The following CAPN7 variants were observed in gnomAD, a reference collection of about 807,000 sequenced individuals.
CAPN7 encodes calpain 7, also known as calpain-7.
A neutral mutation model predicts 115.2 loss-of-function variants in CAPN7; 72 were observed. That is an observed-to-expected ratio of 0.63 (90% CI 0.52 to 0.76). The LOEUF is 0.76. CAPN7 is among the 30% of genes least tolerant of loss of function. CAPN7 has a pLI of 0.00. For synonymous variants in CAPN7, 344 were observed against 322.3 expected (o/e 1.07, Z -0.72); for missense variants, 905 against 971.5 (o/e 0.93, Z 0.91).
chr3:15,250,812 T>G, intron 19 of CAPN7, 119 bp from the exon 20 acceptor site: 1 of 697,248 alleles, frequency 1.4e-6, no homozygotes, highest in Non-Finnish European at 2.5e-6. Context: ...GTGTGTATGT[T>G]TCTACTGAAA....
At position 15,240,530 on chromosome 3, in the gene CAPN7, T is replaced by G. The variant is rs751843899; in HGVS notation, c.1465T>G (p.Tyr489Asp). Residue 489 changes from tyrosine (Y) to aspartate (D), a missense_variant, in exon 13 of 21, where the codon TAC becomes GAC. Physicochemically the swap from Tyr to Asp is radical, Grantham distance 160. Coordinates refer to ENST00000253693, the MANE Select transcript of CAPN7 (RefSeq NM_014296.3). The part of the protein sequence containing the change: ...PWSHLRWKGR[Y>D]SENDVKNWTP... ...GAGTCATTTACGTTGGAAAGGAAGATACAGTGAAAATGATGTAAAAAACTG... is the reference window on the plus strand; with the variant it reads ...GAGTCATTTACGTTGGAAAGGAAGAGACAGTGAAAATGATGTAAAAAACTG... 1.2e-6 allele frequency: 2 copies of G among 1,613,366 alleles called. No individual in the cohort carries two copies. The highest frequency in any genetic ancestry group is 2.2e-5 in the South Asian group (2 of 90,940).
intron 6 of CAPN7, among the ~76,000 whole-genome samples, chr3:15,226,666 G>A (rs1694334314): frequency 1.3e-5 from 2 of 152,082 alleles, no homozygotes; most frequent in African/African-American, 2.4e-5. Context: ...GTGGTTCTGT[G>A]AGATGATAAT....
chr3:15,251,034 C>T lies in CAPN7; in HGVS notation c.2297+11C>T. 1.9e-6 allele frequency: 3 copies of T among 1,604,500 alleles called. No individual in the cohort carries two copies. The highest frequency in any genetic ancestry group is 2.7e-5 in the African/African-American group (2 of 74,616). On this transcript the variant is annotated intron_variant, in intron 20 of 20. Coordinates refer to ENST00000253693, the MANE Select transcript of CAPN7 (RefSeq NM_014296.3). The stretch of plus-strand genomic sequence containing the variant: ...TAGTGGTGACTATAGGTAATGTTGG[C>T]ATTTTTATTGTATCTATTTTATACT...
intron 2 of CAPN7, among the ~76,000 whole-genome samples, chr3:15,214,913 G>A (rs138140892): frequency 2.4e-4 from 36 of 152,310 alleles, no homozygotes; most frequent in Non-Finnish European, 4.3e-4. Flanking sequence ...ACGCTGCTGG[G>A]TGGCAAGGAA....
At chr3:15,244,936 AT>A (rs1264896398) in intron 16 of CAPN7, among the ~76,000 whole-genome samples, 3 of 151,762 alleles carry the variant, frequency 2.0e-5, no homozygotes, top group Non-Finnish European at 4.4e-5. Context: ...GACATGCACT[AT>A]TTTTTTTAAT....
intron 5 of CAPN7, among the ~76,000 whole-genome samples, chr3:15,222,924 C>G (rs1320056757): frequency 1.3e-5 from 2 of 152,070 alleles, no homozygotes; most frequent in Non-Finnish European, 2.9e-5. Context: ...GGGAGAGAAA[C>G]AGATACAAGA....
At chr3:15,241,629 T>A (rs763653063) in intron 15 of CAPN7, 41 bp downstream of exon 15, 2 of 1,576,900 alleles carry the variant, frequency 1.3e-6, no homozygotes, top group Non-Finnish European at 1.7e-6. Flanking sequence ...CAGAAATTTT[T>A]TTAATATAGT....
At chr3:15,233,497 GGAGTTTA>G (rs1436876828) in intron 10 of CAPN7, among the ~76,000 whole-genome samples, 1 of 152,170 alleles carries the variant, frequency 6.6e-6, no homozygotes, top group African/African-American at 2.4e-5. Flanking sequence ...TTTACTCAGT[GGAGTTTA>G]GAGAGAGAAA....
intron 2 of CAPN7, among the ~76,000 whole-genome samples, chr3:15,214,904 C>T (rs925279078): frequency 8.5e-5 from 13 of 152,082 alleles, no homozygotes; most frequent in African/African-American, 2.9e-4. Flanking sequence ...TTGGTTTTCA[C>T]GCTGCTGGGT....
At chr3:15,224,122 GAAAC>G (rs1292278710) in intron 6 of CAPN7, among the ~76,000 whole-genome samples, 1 of 151,978 alleles carries the variant, frequency 6.6e-6, no homozygotes, top group Non-Finnish European at 1.5e-5. Flanking sequence ...AAAAATTATT[GAAAC>G]AAACTGGCAA....
intron 18 of CAPN7, 91 bp from the exon 19 acceptor site, chr3:15,247,236 T>C: frequency 2.2e-5 from 5 of 228,094 alleles, no homozygotes; most frequent in Non-Finnish European, 3.3e-5. Flanking sequence ...GAAAATTGCC[T>C]TTTTTTTTTT....
At chr3:15,212,242 C>A (rs772015323) in intron 2 of CAPN7, 30 bp downstream of exon 2, 2 of 1,265,884 alleles carry the variant, frequency 1.6e-6, no homozygotes, top group South Asian at 2.7e-5. Context: ...ACTTGTCACT[C>A]TATTTTTTCT....
intron 3 of CAPN7, 132 bp from the exon 4 acceptor site, chr3:15,218,337 GAATT>G: frequency 1.5e-6 from 1 of 650,912 alleles, no homozygotes; most frequent in Middle Eastern, 3.5e-4. Flanking sequence ...TTAAGGATGA[GAATT>G]AATGTCATCT....
chr3:15,251,373 A>C lies in CAPN7; in HGVS notation c.*113A>C. 1 of 927,288 alleles carries C rather than the reference A, an allele frequency of 1.1e-6. No homozygotes were observed. The highest frequency in any genetic ancestry group is 1.6e-6 in the Non-Finnish European group (1 of 617,462). 57.4% of individuals were successfully genotyped at this position (927,288 alleles called of 1,614,324 possible). On this transcript the variant is annotated 3_prime_UTR_variant, in exon 21 of 21. Transcript: ENST00000253693. ...CAATCAGAATGGAATTAAATCTCTAAAAACGTGTTACAGTGGAATCTGGTG... is the reference window on the plus strand; with the variant it reads ...CAATCAGAATGGAATTAAATCTCTACAAACGTGTTACAGTGGAATCTGGTG...
Position 15,250,956 on chromosome 3 carries a change from G to C in CAPN7, c.2230G>C (p.Val744Leu), listed in dbSNP as rs1236034695. The part of the protein sequence containing the change: ...PRQYSVGFEV[V>L]TVSTLGDPGP... ...GCAATATAGCGTTGGATTTGAGGTT[G>C]TAACAGTTTCTACTCTAGGAGATCC... Residue 744 changes from valine to leucine, a missense_variant, in exon 20 of 21, where the codon GTA (valine) becomes CTA (leucine). Val to Leu is a conservative substitution (Grantham distance 32). Transcript: ENST00000253693. 1 of 1,612,398 alleles carries C rather than the reference G, an allele frequency of 6.2e-7. No individual in the cohort carries two copies. Among genetic ancestry groups the C allele is most frequent in the African/African-American group, 1.3e-5 (1 of 74,890 alleles).
rs375040334 is a variant in CAPN7 at position 15,227,997 on chromosome 3, A to G, written c.852+32A>G. 3.8e-5 allele frequency: 53 copies of G among 1,383,088 alleles called. No individual in the cohort carries two copies. The African/African-American group carries it at 4.5e-4, about 12-fold the overall frequency. 85.7% of individuals were successfully genotyped at this position (1,383,088 alleles called of 1,614,324 possible). A position where few individuals can be genotyped will look rare whatever the true frequency, so the allele number is the denominator to read the frequency against. On this transcript the variant is annotated intron_variant, in intron 7 of 20. Coordinates refer to ENST00000253693, the MANE Select transcript of CAPN7 (RefSeq NM_014296.3). ...ATTTATTTTGTATGATTTTATAGAAAAGTCAGCATTTTAAAGTAATTTGTG... is the reference window on the plus strand; with the variant it reads ...ATTTATTTTGTATGATTTTATAGAAGAGTCAGCATTTTAAAGTAATTTGTG...
At position 15,237,277 on chromosome 3, in the gene CAPN7, A is replaced by G. The variant is rs185664211; in HGVS notation, c.1407+2132A>G. 4.0e-3 allele frequency among the ~76,000 whole-genome samples: 612 copies of G among 152,322 alleles called. 7 individuals carry two copies. The highest frequency in any genetic ancestry group is 4.9e-3 in the Non-Finnish European group (332 of 68,030). On this transcript the variant is annotated intron_variant, in intron 12 of 20. Transcript: ENST00000253693. The stretch of plus-strand genomic sequence containing the variant: ...TTTAGGCTGTTTTCTTAAAATCCGA[A>G]ACATAAACACACACATTAGCCTAGG...
intron 7 of CAPN7, among the ~76,000 whole-genome samples, chr3:15,228,212 T>C (rs1008175454): frequency 6.6e-6 from 1 of 152,164 alleles, no homozygotes; most frequent in African/African-American, 2.4e-5. Flanking sequence ...AATGTAAAAC[T>C]TGAGAATCTG....
chr3:15,245,730 T>C (rs1352036437), intron 17 of CAPN7, 59 bp downstream of exon 17: 3 of 1,434,502 alleles, frequency 2.1e-6, no homozygotes, highest in Non-Finnish European at 1.9e-6. Context: ...TAATATGCTC[T>C]GCTTTGTAAG....
Sources: allele counts gnomAD v4.1 joint callset (sites outside exome capture counted in the v4.1 genomes callset), GRCh38; gene constraint gnomAD v4.1.1; transcripts MANE v1.5; gene names NCBI Gene and HGNC (gene_info 2026-07-23, HGNC 2026-07-21).